Variants in LAMA2 observed in about 807,000 individuals in gnomAD.
LAMA2 encodes the protein laminin subunit alpha-2.
Under a neutral mutation model 364.8 loss-of-function variants are expected in LAMA2, and 269 were observed. That is an observed-to-expected ratio of 0.74 (90% CI 0.67 to 0.82). LAMA2 has a LOEUF of 0.82. LAMA2 is among the 40% of genes least tolerant of loss of function. The probability of loss-of-function intolerance (pLI) is 0.00; values close to 1 mark genes in which losing one functional copy is unlikely to be tolerated. For synonymous variants in LAMA2, 1,379 were observed against 1,370.6 expected, an observed-to-expected ratio of 1.01 and a Z score of -0.14; for missense variants, 3,807 against 3,873.2, an observed-to-expected ratio of 0.98 and a Z score of 0.45.
At chr6:129,369,859 C>T in intron 33 of LAMA2, 33 bp from the exon 34 acceptor site, 1 of 1,577,836 alleles carries the variant, frequency 6.3e-7, no homozygotes, top group Non-Finnish European at 8.7e-7. Flanking sequence ...AGGCCATTTA[C>T]TAAAAATGTT....
chr6:129,512,507 A>G lies in LAMA2; in HGVS notation c.8988+14A>G, dbSNP rs1786677105. Reference sequence around the variant, plus strand: ...ATTGATGAAAAGGTGAGTGTCAGCAATGCAAACATTTCTGATTTCTTCATG... The same window carrying G: ...ATTGATGAAAAGGTGAGTGTCAGCAGTGCAAACATTTCTGATTTCTTCATG... On this transcript the variant is annotated intron_variant, in intron 63 of 64. Coordinates refer to ENST00000421865, the MANE Select transcript of LAMA2 (RefSeq NM_000426.4). 8 of 1,613,194 alleles carry G rather than the reference A, an allele frequency of 5.0e-6. No individual in the cohort carries two copies. The highest frequency in any genetic ancestry group is 2.2e-5 in the East Asian group (1 of 44,832).
chr6:129,242,758 C>T (rs565191945), intron 12 of LAMA2, among the ~76,000 whole-genome samples: 17 of 152,128 alleles, frequency 1.1e-4, no homozygotes, highest in African/African-American at 3.6e-4. Flanking sequence ...CCTAACAGCA[C>T]GAAGCACTTC....
At chr6:128,975,714 C>T (rs1327123888) in intron 1 of LAMA2, among the ~76,000 whole-genome samples, 1 of 152,076 alleles carries the variant, frequency 6.6e-6, no homozygotes, top group African/African-American at 2.4e-5. Flanking sequence ...AAGGAGAGTT[C>T]CCCTGCACAT....
intron 4 of LAMA2, among the ~76,000 whole-genome samples, chr6:129,112,159 T>C (rs921493392): frequency 6.6e-6 from 1 of 151,988 alleles, no homozygotes; most frequent in Non-Finnish European, 1.5e-5. Context: ...AAACTACCTT[T>C]ATTGCAAGAC....
chr6:129,008,969 T>G (rs1228180738), intron 1 of LAMA2, among the ~76,000 whole-genome samples: 1 of 152,206 alleles, frequency 6.6e-6, no homozygotes, highest in African/African-American at 2.4e-5. Flanking sequence ...AAGACCCAGA[T>G]AGAAATGACT....
rs371799171 is a variant in LAMA2 at position 129,334,287 on chromosome 6, C to A, written c.4311+5875C>A. ...CCTTGATTCAAATCCTGGCTTCACCCCTTACTGGTAGTGTGAGCCTACTCA... is the reference window on the plus strand; with the variant it reads ...CCTTGATTCAAATCCTGGCTTCACCACTTACTGGTAGTGTGAGCCTACTCA... On this transcript the variant is annotated intron_variant, in intron 29 of 64. Coordinates refer to ENST00000421865, the MANE Select transcript of LAMA2 (RefSeq NM_000426.4). 5.9e-5 allele frequency among the ~76,000 whole-genome samples: 9 copies of A among 152,272 alleles called. No individual in the cohort carries two copies. In the South Asian group the frequency reaches 1.9e-3, roughly 32 times the overall value.
chr6:129,087,925 C>A (rs983158973), intron 3 of LAMA2, among the ~76,000 whole-genome samples: 1 of 147,818 alleles, frequency 6.8e-6, no homozygotes, highest in Non-Finnish European at 1.5e-5. Flanking sequence ...ATTAATCATT[C>A]TTGGGTGTTT....
chr6:129,191,013 G>T (rs1454772866), intron 11 of LAMA2, among the ~76,000 whole-genome samples: 1 of 152,200 alleles, frequency 6.6e-6, no homozygotes, highest in African/African-American at 2.4e-5. Flanking sequence ...AGGAAAATGG[G>T]ACCTTCTGGG....
intron 1 of LAMA2, among the ~76,000 whole-genome samples, chr6:128,966,510 TAAAAG>T (rs970212961): frequency 1.3e-5 from 2 of 152,020 alleles, no homozygotes. Flanking sequence ...AGACTGGAAA[TAAAAG>T]AAAAATAATT....
intron 1 of LAMA2, among the ~76,000 whole-genome samples, chr6:128,913,078 G>T (rs948805362): frequency 6.6e-6 from 1 of 152,124 alleles, no homozygotes; most frequent in African/African-American, 2.4e-5. Context: ...GAGAAAATAA[G>T]CTAAAAATTA....
At chr6:129,157,379 G>T (rs1469917130) in intron 8 of LAMA2, 4 of 912,682 alleles carry the variant, frequency 4.4e-6, no homozygotes, top group Admixed American at 2.2e-5. Context: ...AGTACTGAAA[G>T]GTTTAATATT....
intron 53 of LAMA2, among the ~76,000 whole-genome samples, chr6:129,476,877 A>AAAGG (rs1784091180): frequency 6.6e-6 from 1 of 152,212 alleles, no homozygotes. Flanking sequence ...GAAGTTCCAG[A>AAAGG]AAGGAGTGCG....
At chr6:129,450,737 C>A (rs1373944852) in intron 45 of LAMA2, among the ~76,000 whole-genome samples, 1 of 152,192 alleles carries the variant, frequency 6.6e-6, no homozygotes, top group African/African-American at 2.4e-5. Context: ...TACATACAGT[C>A]GCTTTGACTA....
intron 32 of LAMA2, among the ~76,000 whole-genome samples, chr6:129,363,566 C>G (rs1310740170): frequency 6.6e-6 from 1 of 152,166 alleles, no homozygotes; most frequent in Non-Finnish European, 1.5e-5. Context: ...AATAAGCTTC[C>G]AGGTGGTGCC....
intron 1 of LAMA2, among the ~76,000 whole-genome samples, chr6:129,034,051 T>C (rs78236140): frequency 0.034 from 5,164 of 152,200 alleles, 267 homozygotes; most frequent in African/African-American, 0.11. Flanking sequence ...CTGAAAATGA[T>C]GTGACCAGAG....
chr6:129,196,460 T>C (rs1372668291), intron 12 of LAMA2, among the ~76,000 whole-genome samples: 1 of 152,218 alleles, frequency 6.6e-6, no homozygotes, highest in Admixed American at 6.5e-5. Context: ...TTGTTTTTTT[T>C]AGGTTGCTCA....
chr6:128,920,202 G>A (rs1345291045), intron 1 of LAMA2, among the ~76,000 whole-genome samples: 4 of 150,014 alleles, frequency 2.7e-5, no homozygotes, highest in Middle Eastern at 3.4e-3. Context: ...CTGTCACCCA[G>A]GCTGGAGTGC....
At chr6:129,497,500 G>T (rs1034492702) in intron 58 of LAMA2, among the ~76,000 whole-genome samples, 3 of 152,182 alleles carry the variant, frequency 2.0e-5, no homozygotes, top group African/African-American at 7.2e-5. Context: ...CTGCCAAAGT[G>T]TTGAGATTAC....
At chr6:129,095,498 A>G (rs1775118018) in intron 3 of LAMA2, among the ~76,000 whole-genome samples, 1 of 152,174 alleles carries the variant, frequency 6.6e-6, no homozygotes. Context: ...TTTTATTTTC[A>G]CATTGAAAAT....
Sources: allele counts gnomAD v4.1 joint callset (sites outside exome capture counted in the v4.1 genomes callset), GRCh38; gene constraint gnomAD v4.1.1; transcripts MANE v1.5; gene names NCBI Gene and HGNC (gene_info 2026-07-23, HGNC 2026-07-21).